Variants in ATP11C observed in about 807,000 individuals in gnomAD.
The protein encoded by ATP11C is ATPase phospholipid transporting 11C (ATP11C blood group).
ATP11C carries 36 observed loss-of-function variants against 97.4 expected under a neutral mutation model. That is an observed-to-expected ratio of 0.37 (90% CI 0.28 to 0.49). The LOEUF (loss-of-function observed/expected upper bound fraction) is 0.49. Ranked by LOEUF, ATP11C falls within the 20% of genes least tolerant of loss-of-function variation. The pLI, the probability that ATP11C is intolerant of heterozygous loss-of-function variation, is 0.98. For synonymous variants in ATP11C, 275 were observed against 290.9 expected, an observed-to-expected ratio of 0.95 and a Z score of 0.56; for missense variants, 730 against 824.6, an observed-to-expected ratio of 0.89 and a Z score of 1.40.
At chrX:139,916,569 G>A (rs1803039943) in intron 1 of ATP11C, among the ~76,000 whole-genome samples, 1 of 111,154 alleles carries the variant, frequency 9.0e-6, no homozygotes, top group Non-Finnish European at 1.9e-5. Flanking sequence ...ATTGTCTGAG[G>A]GAAGGATCAG....
intron 1 of ATP11C, among the ~76,000 whole-genome samples, chrX:139,913,479 C>T (rs2085108007): frequency 9.0e-6 from 1 of 111,522 alleles, no homozygotes; most frequent in Admixed American, 9.6e-5. Flanking sequence ...ATCATATCCC[C>T]CTGTGACCTG....
chrX:139,731,357 G>A (rs1409877487), intron 29 of ATP11C, among the ~76,000 whole-genome samples: 1 of 111,939 alleles, frequency 8.9e-6, no homozygotes, highest in Non-Finnish European at 1.9e-5. Flanking sequence ...ATTTTCACAT[G>A]GTGGCCTTGC....
At chrX:139,882,584 T>A (rs1456877235) in intron 1 of ATP11C, among the ~76,000 whole-genome samples, 1 of 111,406 alleles carries the variant, frequency 9.0e-6, no homozygotes, top group African/African-American at 3.3e-5. Context: ...ATAGCTTTTC[T>A]GAATCTTCTT....
intron 1 of ATP11C, among the ~76,000 whole-genome samples, chrX:139,829,230 C>T (rs2083593458): frequency 9.0e-6 from 1 of 111,093 alleles, no homozygotes; most frequent in East Asian, 2.8e-4. Context: ...TGGGTTGAGA[C>T]GTGCCTGAGA....
intron 1 of ATP11C, among the ~76,000 whole-genome samples, chrX:139,912,195 AC>A (rs1330514934): frequency 1.1e-4 from 12 of 108,271 alleles, no homozygotes; most frequent in Middle Eastern, 4.7e-3. Flanking sequence ...AAAAAAAAAA[AC>A]TTAGCAATAC....
At chrX:139,770,040 A>G (rs1327909272) in intron 19 of ATP11C, among the ~76,000 whole-genome samples, 2 of 112,216 alleles carry the variant, frequency 1.8e-5, no homozygotes, top group Non-Finnish European at 1.9e-5. Context: ...CTAAATAAAG[A>G]GACATAAATG....
chrX:139,765,070 G>A (rs1354806007), intron 20 of ATP11C, among the ~76,000 whole-genome samples: 2 of 110,837 alleles, frequency 1.8e-5, no homozygotes, highest in Non-Finnish European at 3.8e-5. Context: ...TGAAAACATA[G>A]ACTAAAAAGA....
chrX:139,851,330 T>C (rs2083986711), intron 1 of ATP11C, among the ~76,000 whole-genome samples: 1 of 112,157 alleles, frequency 8.9e-6, no homozygotes, highest in South Asian at 3.7e-4. Flanking sequence ...GGTGTCTACA[T>C]GGTGCCAATT....
At chrX:139,924,180 C>T (rs143213653) in intron 1 of ATP11C, 4 of 384,523 alleles carry the variant, frequency 1.0e-5, no homozygotes, top group Middle Eastern at 4.3e-4. Flanking sequence ...CAAGTGTTGA[C>T]GCTAAACTGG....
intron 1 of ATP11C, among the ~76,000 whole-genome samples, chrX:139,883,722 G>A (rs1315958418): frequency 9.0e-6 from 1 of 111,291 alleles, no homozygotes; most frequent in African/African-American, 3.3e-5. Flanking sequence ...AGAAGATGTG[G>A]CCACTGTAAT....
chrX:139,899,016 A>C (rs1310723589), intron 1 of ATP11C, among the ~76,000 whole-genome samples: 3 of 111,793 alleles, frequency 2.7e-5, no homozygotes, highest in Non-Finnish European at 5.6e-5. Context: ...TCGTCTTCCA[A>C]AACTCAGTAA....
chrX:139,932,183 G>T lies in ATP11C; in HGVS notation c.-141C>A. 1 of 392,150 alleles carries T rather than the reference G, an allele frequency of 2.6e-6. No individual in the cohort carries two copies. The highest frequency in any genetic ancestry group is 3.4e-6 in the Non-Finnish European group (1 of 293,103). The allele number at this position is 392,150 out of a possible 1,213,427, so 32.3% of individuals were successfully genotyped here. A position where few individuals can be genotyped will look rare whatever the true frequency, so the allele number is the denominator to read the frequency against. On this transcript the variant is annotated 5_prime_UTR_variant, in exon 1 of 30. Coordinates refer to ENST00000682941, the MANE Select transcript of ATP11C (RefSeq NM_001353812.2). The stretch of plus-strand genomic sequence containing the variant: ...CGGCCGGGCCACCCGCTCGCCGCCT[G>T]CCCCCCTCGGCTCTCCGCGCTCCCC...
At chrX:139,792,537 G>A (rs1419551993) in intron 12 of ATP11C, among the ~76,000 whole-genome samples, 1 of 111,103 alleles carries the variant, frequency 9.0e-6, no homozygotes, top group East Asian at 2.9e-4. Context: ...TTATGGGACT[G>A]AGCCCTCAAC....
At chrX:139,928,533 T>C (rs2085387753) in intron 1 of ATP11C, among the ~76,000 whole-genome samples, 1 of 112,018 alleles carries the variant, frequency 8.9e-6, no homozygotes, top group Admixed American at 9.5e-5. Context: ...TGCCTCCATA[T>C]ATTGCTTCAT....
At chrX:139,729,074 G>T in intron 29 of ATP11C, 112 bp from the exon 30 acceptor site, 1 of 547,460 alleles carries the variant, frequency 1.8e-6, no homozygotes, top group Non-Finnish European at 2.9e-6. Flanking sequence ...TAAAGCAACT[G>T]TCTTAACAAA....
At chrX:139,823,083 G>A (rs1457442373) in intron 2 of ATP11C, among the ~76,000 whole-genome samples, 4 of 110,384 alleles carry the variant, frequency 3.6e-5, no homozygotes, top group Admixed American at 9.6e-5. Flanking sequence ...CCAGGCGGGC[G>A]CCTGTAATCC....
chrX:139,758,711 G>T (rs187001294), intron 22 of ATP11C, among the ~76,000 whole-genome samples: 11 of 111,978 alleles, frequency 9.8e-5, no homozygotes, highest in African/African-American at 3.6e-4. Context: ...CTTCAAAGCA[G>T]GCTGTGAGCT....
At chrX:139,890,774 A>G (rs2084715484) in intron 1 of ATP11C, among the ~76,000 whole-genome samples, 1 of 111,618 alleles carries the variant, frequency 9.0e-6, no homozygotes, top group Non-Finnish European at 1.9e-5. Flanking sequence ...GGGGGTGTAT[A>G]AAGTGCAACA....
intron 1 of ATP11C, chrX:139,832,288 A>C: frequency 8.7e-7 from 1 of 1,151,212 alleles, no homozygotes; most frequent in Non-Finnish European, 1.2e-6. Context: ...GATCCTTGTA[A>C]AGTTTCCCAG....
Sources: gnomAD v4.1 joint callset for allele counts (sites outside exome capture counted in the v4.1 genomes callset) on GRCh38, gnomAD v4.1.1 for gene constraint, MANE v1.5 for transcripts, NCBI Gene and HGNC (gene_info 2026-07-23, HGNC 2026-07-21) for gene names.